Variants in SPIRE1 observed in about 807,000 individuals in gnomAD.
The protein encoded by SPIRE1 is spire type actin nucleation factor 1, also known as protein spire homolog 1.
SPIRE1 carries 40 observed loss-of-function variants against 94.1 expected under a neutral mutation model. That is an observed-to-expected ratio of 0.43 (90% CI 0.33 to 0.55). The LOEUF is 0.55. SPIRE1 is among the 20% of genes least tolerant of loss of function. SPIRE1 has a pLI of 0.06. For missense variants in SPIRE1, 838 were observed against 975.2 expected (o/e 0.86, Z 1.87); for synonymous variants, 376 against 371.7 (o/e 1.01, Z -0.13).
At chr18:12,577,868 G>A (rs2036153086) in intron 2 of SPIRE1, among the ~76,000 whole-genome samples, 1 of 152,038 alleles carries the variant, frequency 6.6e-6, no homozygotes, top group Non-Finnish European at 1.5e-5. Context: ...AACTCAGTAA[G>A]ATAAACAATC....
intron 1 of SPIRE1, among the ~76,000 whole-genome samples, chr18:12,641,745 A>G (rs2038092016): frequency 6.6e-6 from 1 of 152,212 alleles, no homozygotes; most frequent in African/African-American, 2.4e-5. Context: ...TAGGACAGTG[A>G]AACTACGTAT....
intron 4 of SPIRE1, among the ~76,000 whole-genome samples, chr18:12,526,258 T>C (rs1242682007): frequency 6.6e-6 from 1 of 152,160 alleles, no homozygotes; most frequent in Non-Finnish European, 1.5e-5. Context: ...CCTCTGCCCT[T>C]CTACCTTGCT....
chr18:12,457,846 C>CTT (rs201510377), intron 12 of SPIRE1, among the ~76,000 whole-genome samples: 12 of 132,250 alleles, frequency 9.1e-5, no homozygotes, highest in South Asian at 2.4e-4. Flanking sequence ...TTTCTTTTTT[C>CTT]TTTTTTTTTT....
Position 12,461,091 on chromosome 18 carries a change from A to T in SPIRE1, c.1638+2260T>A, listed in dbSNP as rs1346146777. Among the ~76,000 whole-genome samples the T allele has an allele frequency of 2.6e-5, 4 of 152,116 alleles. No homozygotes were observed. In the South Asian group the frequency reaches 8.3e-4, roughly 32 times the overall value. On this transcript the variant is annotated intron_variant, in intron 12 of 16. Transcript: ENST00000409402. Reference sequence around the variant, plus strand: ...TCTCCTTCCTGCTCCACAAAAAAACAGTGCACGGCCTGACCTCGCAACACT... The same window carrying T: ...TCTCCTTCCTGCTCCACAAAAAAACTGTGCACGGCCTGACCTCGCAACACT...
intron 4 of SPIRE1, among the ~76,000 whole-genome samples, chr18:12,517,810 T>C (rs961239398): frequency 2.0e-5 from 3 of 152,206 alleles, no homozygotes; most frequent in Admixed American, 1.3e-4. Context: ...CACATATAAG[T>C]ACCCCTTTAC....
At chr18:12,525,953 C>CAT (rs1333151746) in intron 4 of SPIRE1, among the ~76,000 whole-genome samples, 1 of 151,878 alleles carries the variant, frequency 6.6e-6, no homozygotes, top group Non-Finnish European at 1.5e-5. Flanking sequence ...TAGAGATCAT[C>CAT]ATATGCTCAG....
At chr18:12,647,710 C>G (rs1267182473) in intron 1 of SPIRE1, among the ~76,000 whole-genome samples, 1 of 152,180 alleles carries the variant, frequency 6.6e-6, no homozygotes, top group East Asian at 1.9e-4. Context: ...GCTATGATCA[C>G]ATCACTGCAC....
intron 2 of SPIRE1, among the ~76,000 whole-genome samples, chr18:12,632,353 A>ACAC (rs1207176791): frequency 6.6e-6 from 1 of 151,998 alleles, no homozygotes; most frequent in Non-Finnish European, 1.5e-5. Context: ...AGGCTCCCTC[A>ACAC]CACCACCACC....
At chr18:12,645,191 C>A (rs1318858121) in intron 1 of SPIRE1, among the ~76,000 whole-genome samples, 1 of 152,034 alleles carries the variant, frequency 6.6e-6, no homozygotes, top group Admixed American at 6.6e-5. Flanking sequence ...AGCATCAGAG[C>A]CAAAAGAATT....
chr18:12,632,785 C>G (rs1228456254), intron 2 of SPIRE1, among the ~76,000 whole-genome samples: 4 of 151,916 alleles, frequency 2.6e-5, no homozygotes, highest in Admixed American at 2.6e-4. Context: ...ATTATAAGGG[C>G]TGTCAATTAG....
intron 2 of SPIRE1, among the ~76,000 whole-genome samples, chr18:12,613,030 C>T (rs1427697944): frequency 6.6e-6 from 1 of 152,166 alleles, no homozygotes; most frequent in Non-Finnish European, 1.5e-5. Flanking sequence ...CTTATTTATC[C>T]TATCTATTAT....
intron 1 of SPIRE1, among the ~76,000 whole-genome samples, chr18:12,642,592 A>G (rs1390727818): frequency 6.6e-6 from 1 of 152,226 alleles, no homozygotes; most frequent in African/African-American, 2.4e-5. Context: ...CTCTAGTGCC[A>G]ATTCTGAGTA....
chr18:12,539,835 G>T (rs1259973194), intron 3 of SPIRE1, among the ~76,000 whole-genome samples: 1 of 151,396 alleles, frequency 6.6e-6, no homozygotes, highest in African/African-American at 2.4e-5. Flanking sequence ...GCTGAGGCAG[G>T]AGAATTGCTT....
At chr18:12,499,641 T>A (rs1277279489) in intron 6 of SPIRE1, among the ~76,000 whole-genome samples, 3 of 152,176 alleles carry the variant, frequency 2.0e-5, no homozygotes, top group African/African-American at 7.2e-5. Context: ...TATAAGTGTC[T>A]CAGGTGAGAA....
intron 2 of SPIRE1, among the ~76,000 whole-genome samples, chr18:12,586,806 T>C (rs963128267): frequency 6.6e-6 from 1 of 152,222 alleles, no homozygotes; most frequent in African/African-American, 2.4e-5. Context: ...TTGAAACTCA[T>C]TGCTCTAAAT....
At chr18:12,466,575 C>T (rs1232919426) in intron 10 of SPIRE1, among the ~76,000 whole-genome samples, 1 of 152,116 alleles carries the variant, frequency 6.6e-6, no homozygotes. Flanking sequence ...ACACCACGTC[C>T]AGCCTATAGG....
chr18:12,658,367 G>C (rs2038623199), upstream of SPIRE1: 1 of 414,642 alleles, frequency 2.4e-6, no homozygotes. Flanking sequence ...CGCACGGTCC[G>C]GAGGGGATGC....
At chr18:12,524,590 A>G (rs2034448960) in intron 4 of SPIRE1, among the ~76,000 whole-genome samples, 1 of 152,236 alleles carries the variant, frequency 6.6e-6, no homozygotes, top group Non-Finnish European at 1.5e-5. Flanking sequence ...GCAAAGATGA[A>G]TAATTTAACA....
chr18:12,555,310 A>G (rs1220130351), intron 2 of SPIRE1, among the ~76,000 whole-genome samples: 1 of 152,122 alleles, frequency 6.6e-6, no homozygotes, highest in African/African-American at 2.4e-5. Flanking sequence ...CTTATCAAAA[A>G]AAAAAAAAAT....
Sources: gnomAD v4.1 joint callset for allele counts (sites outside exome capture counted in the v4.1 genomes callset) on GRCh38, gnomAD v4.1.1 for gene constraint, MANE v1.5 for transcripts, NCBI Gene and HGNC (gene_info 2026-07-23, HGNC 2026-07-21) for gene names.